The following GPR158 variants were observed in gnomAD, a reference collection of about 807,000 sequenced individuals.
The protein encoded by GPR158 is metabotropic glycine receptor.
GPR158 carries 30 observed loss-of-function variants against 78.2 expected under a neutral mutation model. The observed-to-expected ratio is 0.38, with a 90% confidence interval of 0.29 to 0.52. The LOEUF (loss-of-function observed/expected upper bound fraction) is 0.52. Among genes scored for constraint, GPR158 ranks in the 20% least tolerant of loss-of-function variants. The pLI, the probability that GPR158 is intolerant of heterozygous loss-of-function variation, is 0.83. For missense variants in GPR158, 1,463 were observed against 1,523.5 expected (o/e 0.96, Z 0.66); for synonymous variants, 581 against 591.1 (o/e 0.98, Z 0.25).
At position 25,333,955 on chromosome 10, in the gene GPR158, T is replaced by A. The variant is rs144629235; in HGVS notation, c.1009-61956T>A. On this transcript the variant is annotated intron_variant, in intron 2 of 10. Coordinates refer to ENST00000376351, the MANE Select transcript of GPR158 (RefSeq NM_020752.3). ...ACTCCTCCGTGTACTCTTGACAGTG[T>A]TCCTCAGATATTGCTTTATTTTGTA... is the stretch of plus-strand genomic sequence containing the variant. Among the ~76,000 whole-genome samples the A allele has an allele frequency of 5.9e-5, 9 of 152,240 alleles. No homozygotes were observed. In the East Asian group the frequency reaches 1.7e-3, roughly 29 times the overall value.
At chr10:25,558,333 T>G (rs1419338697) in intron 6 of GPR158, among the ~76,000 whole-genome samples, 1 of 152,236 alleles carries the variant, frequency 6.6e-6, no homozygotes, top group Non-Finnish European at 1.5e-5. Flanking sequence ...TATCCTAATA[T>G]TCTTCGTTAG....
At chr10:25,383,142 G>C (rs1834179129) in intron 2 of GPR158, among the ~76,000 whole-genome samples, 1 of 152,160 alleles carries the variant, frequency 6.6e-6, no homozygotes, top group Non-Finnish European at 1.5e-5. Context: ...GCCCAGATGA[G>C]AAGATTCAAC....
rs756759445 is a variant in GPR158, at chr10:25,317,716, G to GTTTTTTTTTTTTTTTTT, written c.1009-78186_1009-78185insTTTTTTTTTTTTTTTTT. ...TTAAATTCTGTTTTCTTCGTAAAGTGTTTTTTTTTGTTTTGTTTTGTTTTG... is the reference window on the plus strand; with the variant it reads ...TTAAATTCTGTTTTCTTCGTAAAGTGTTTTTTTTTTTTTTTTTTTTTTTTTTGTTTTGTTTTGTTTTG... On this transcript the variant is annotated intron_variant, in intron 2 of 10. Transcript: ENST00000376351. Among the ~76,000 whole-genome samples, 78 of 134,020 alleles carry GTTTTTTTTTTTTTTTTT rather than the reference G, an allele frequency of 5.8e-4. 3 individuals carry two copies. The highest frequency in any genetic ancestry group is 1.9e-3 in the East Asian group (9 of 4,778). 87.9% of individuals were successfully genotyped at this position (134,020 alleles called of 152,430 possible).
intron 1 of GPR158, among the ~76,000 whole-genome samples, chr10:25,216,498 A>G (rs1042458827): frequency 3.3e-5 from 5 of 151,298 alleles, no homozygotes; most frequent in African/African-American, 4.9e-5. Context: ...CAGTTTAGCT[A>G]CTCCTTGCTT....
At chr10:25,411,296 G>A (rs1265259890) in intron 3 of GPR158, among the ~76,000 whole-genome samples, 1 of 152,174 alleles carries the variant, frequency 6.6e-6, no homozygotes, top group Non-Finnish European at 1.5e-5. Flanking sequence ...AGCTTGCAAA[G>A]TGGGAAATTA....
intron 2 of GPR158, among the ~76,000 whole-genome samples, chr10:25,333,008 A>C (rs1855148131): frequency 6.6e-6 from 1 of 152,144 alleles, no homozygotes; most frequent in African/African-American, 2.4e-5. Flanking sequence ...TGAGCTGGGC[A>C]TTTGGGATCA....
chr10:25,325,761 C>T (rs1431126324), intron 2 of GPR158, among the ~76,000 whole-genome samples: 1 of 152,152 alleles, frequency 6.6e-6, no homozygotes, highest in African/African-American at 2.4e-5. Flanking sequence ...TCTCCACATC[C>T]TCACCAGCCC....
In GPR158 at chr10:25,572,575, A is replaced by C. The variant is rs137935137; in HGVS notation, c.1515-74A>C. 2.1e-4 allele frequency: 210 copies of C among 989,834 alleles called. No homozygotes were observed. The East Asian group carries it at 4.7e-3, about 22-fold the overall frequency. 61.3% of individuals were successfully genotyped at this position (989,834 alleles called of 1,614,324 possible). ...TTTGGTGGGTTTACATTTTACCTAG[A>C]AAAATAAGTTATTTTAGAGTTATAC... is the stretch of plus-strand genomic sequence containing the variant. On this transcript the variant is annotated intron_variant, in intron 6 of 10. Transcript: ENST00000376351.
chr10:25,404,628 CA>C (rs1228932061), intron 3 of GPR158, among the ~76,000 whole-genome samples: 1 of 152,020 alleles, frequency 6.6e-6, no homozygotes, highest in Non-Finnish European at 1.5e-5. Flanking sequence ...GTCCTGCATT[CA>C]TGATTGTATT....
intron 2 of GPR158, among the ~76,000 whole-genome samples, chr10:25,323,528 A>T (rs1854985948): frequency 6.9e-6 from 1 of 144,140 alleles, no homozygotes; most frequent in Middle Eastern, 3.8e-3. Flanking sequence ...TCTTAGGTAG[A>T]TTTTTTTTTT....
chr10:25,225,647 G>A (rs546550495), intron 2 of GPR158, among the ~76,000 whole-genome samples: 7 of 152,054 alleles, frequency 4.6e-5, no homozygotes, highest in East Asian at 3.9e-4. Context: ...AATTAAAGTC[G>A]TGTTTATTCT....
At chr10:25,315,051 T>C (rs1854829003) in intron 2 of GPR158, among the ~76,000 whole-genome samples, 1 of 151,796 alleles carries the variant, frequency 6.6e-6, no homozygotes, top group South Asian at 2.1e-4. Context: ...GACCTAAATA[T>C]GATAAAATTT....
At chr10:25,525,368 A>T (rs1836333768) in intron 5 of GPR158, among the ~76,000 whole-genome samples, 1 of 152,220 alleles carries the variant, frequency 6.6e-6, no homozygotes, top group Non-Finnish European at 1.5e-5. Context: ...TCAAAAGTGG[A>T]AGCAATTCGC....
At chr10:25,418,522 AAAC>A (rs555302865) in intron 4 of GPR158, among the ~76,000 whole-genome samples, 29 of 152,208 alleles carry the variant, frequency 1.9e-4, no homozygotes, top group African/African-American at 6.5e-4. Flanking sequence ...TGTTCTTCTA[AAAC>A]AACAAGAATT....
In GPR158 at chr10:25,175,507, A is replaced by G; in HGVS notation, c.87A>G (p.Gln29=). Residue 29 remains glutamine (Q), a synonymous_variant, in exon 1 of 11, where the codon CAA becomes CAG. Transcript: ENST00000376351. The surrounding 1 kb of genome is among the most constrained non-coding windows in gnomAD (Gnocchi z 6.4). ...CTGTTGGCGCCAGCCGCGACCCCCA[A>G]GGACGGCCGGATTCCCCTCGAGAGA... ...LGAVGASRDP[Q]GRPDSPRERT... 1 of 1,612,366 alleles carries G rather than the reference A, an allele frequency of 6.2e-7. No individual in the cohort carries two copies. Among genetic ancestry groups the G allele is most frequent in the South Asian group, 1.1e-5 (1 of 91,038 alleles).
At chr10:25,435,941 G>A (rs1009050349) in intron 4 of GPR158, among the ~76,000 whole-genome samples, 1 of 152,092 alleles carries the variant, frequency 6.6e-6, no homozygotes, top group Non-Finnish European at 1.5e-5. Flanking sequence ...GATGTGAGGG[G>A]AATGGGAAAA....
At chr10:25,374,704 T>C (rs943401740) in intron 2 of GPR158, among the ~76,000 whole-genome samples, 2 of 151,786 alleles carry the variant, frequency 1.3e-5, no homozygotes, top group African/African-American at 2.4e-5. Flanking sequence ...ATGAGATCTG[T>C]CCAAGTTGTT....
chr10:25,328,824 A>G lies in GPR158; in HGVS notation c.1009-67087A>G, dbSNP rs552734390. On this transcript the variant is annotated intron_variant, in intron 2 of 10. Transcript: ENST00000376351. ...CACCTGTAATCCCAGATGATTGGGCAGCTGAGGCAGGAGAATTGATTGAAC... is the reference window on the plus strand; with the variant it reads ...CACCTGTAATCCCAGATGATTGGGCGGCTGAGGCAGGAGAATTGATTGAAC... Among the ~76,000 whole-genome samples the G allele has an allele frequency of 3.4e-3, 508 of 149,910 alleles. 3 individuals are homozygous for G. Among genetic ancestry groups the G allele is most frequent in the African/African-American group, 0.012 (465 of 40,428 alleles).
chr10:25,572,231 C>G (rs1434974085), intron 6 of GPR158, among the ~76,000 whole-genome samples: 1 of 152,144 alleles, frequency 6.6e-6, no homozygotes, highest in Non-Finnish European at 1.5e-5. Flanking sequence ...CCTATTGACT[C>G]AATGGACTCT....
Sources: allele counts gnomAD v4.1 joint callset (sites outside exome capture counted in the v4.1 genomes callset), GRCh38; gene constraint gnomAD v4.1.1; non-coding constraint Gnocchi (gnomAD v3.1); transcripts MANE v1.5; gene names NCBI Gene and HGNC (gene_info 2026-07-23, HGNC 2026-07-21).